The following DCDC2C variants were observed in gnomAD, a reference collection of about 807,000 sequenced individuals.
DCDC2C encodes the protein doublecortin domain containing 2C.
DCDC2C carries 44 observed loss-of-function variants against 45.0 expected under a neutral mutation model. The ratio of observed to expected loss-of-function variants is 0.98; its 90% CI spans 0.77 to 1.26. The LOEUF is 1.26. Ranked by LOEUF, DCDC2C falls within the 50% of genes most tolerant of loss-of-function variation. The pLI is 0.00. For synonymous variants in DCDC2C, 187 were observed against 178.8 expected, an observed-to-expected ratio of 1.05 and a Z score of -0.37; for missense variants, 447 against 468.9, an observed-to-expected ratio of 0.95 and a Z score of 0.43.
At chr2:3,788,487 C>T (rs566676513) in intron 10 of DCDC2C, 2 of 152,128 alleles carry the variant, frequency 1.3e-5, no homozygotes, top group African/African-American at 2.4e-5. Context: ...CCAGGTGCAA[C>T]GTGTATAAGA....
intron 2 of DCDC2C, among the ~76,000 whole-genome samples, chr2:3,716,155 T>C (rs969672539): frequency 6.6e-6 from 1 of 152,034 alleles, no homozygotes; most frequent in African/African-American, 2.4e-5. Flanking sequence ...ACAGTGGGGA[T>C]TTAGATCATT....
intron 10 of DCDC2C, among the ~76,000 whole-genome samples, chr2:3,807,051 T>TC (rs1186494989): frequency 4.0e-5 from 6 of 150,814 alleles, no homozygotes; most frequent in African/African-American, 1.5e-4. Context: ...CCAGAGTGTA[T>TC]TATCTTGGGA....
intron 6 of DCDC2C, among the ~76,000 whole-genome samples, chr2:3,760,678 G>A (rs765718617): frequency 4.6e-5 from 7 of 152,064 alleles, no homozygotes; most frequent in Middle Eastern, 3.2e-3. Context: ...GGGCCTGTTA[G>A]GGGGTGAGGG....
At chr2:3,746,583 T>C (rs1219681046) in intron 4 of DCDC2C, among the ~76,000 whole-genome samples, 1 of 152,226 alleles carries the variant, frequency 6.6e-6, no homozygotes, top group Non-Finnish European at 1.5e-5. Context: ...CTCTCCGTTT[T>C]CAATTTCCCA....
intron 10 of DCDC2C, among the ~76,000 whole-genome samples, chr2:3,826,694 T>A (rs996507049): frequency 6.6e-6 from 1 of 152,088 alleles, no homozygotes; most frequent in Non-Finnish European, 1.5e-5. Flanking sequence ...TCCCAACAGC[T>A]CCTTCCACAG....
At chr2:3,789,537 A>G (rs10865001) in intron 10 of DCDC2C, among the ~76,000 whole-genome samples, 150,779 of 152,358 alleles carry the variant, frequency 0.99, 74,621 homozygotes, top group Middle Eastern at 1. Context: ...CAGGAAGCAT[A>G]CTATTATAAT....
chr2:3,749,913 T>A (rs1006972166), intron 4 of DCDC2C, among the ~76,000 whole-genome samples: 1 of 152,184 alleles, frequency 6.6e-6, no homozygotes, highest in African/African-American at 2.4e-5. Context: ...CCGAAATGCC[T>A]TTGGTTTATG....
intron 4 of DCDC2C, among the ~76,000 whole-genome samples, chr2:3,746,220 G>A (rs889751639): frequency 6.6e-6 from 1 of 152,154 alleles, no homozygotes; most frequent in African/African-American, 2.4e-5. Context: ...GGGAGCACAC[G>A]GCCGGGGGAG....
At chr2:3,778,343 G>A (rs1343510722) in intron 8 of DCDC2C, among the ~76,000 whole-genome samples, 2 of 152,220 alleles carry the variant, frequency 1.3e-5, no homozygotes, top group African/African-American at 2.4e-5. Flanking sequence ...CTCCCCAAGA[G>A]CAGGGAGAGG....
intron 6 of DCDC2C, among the ~76,000 whole-genome samples, chr2:3,766,213 T>A (rs10179393): frequency 2.6e-5 from 4 of 151,788 alleles, no homozygotes; most frequent in Non-Finnish European, 2.9e-5. Flanking sequence ...CCCTCGTTAC[T>A]AGGGTGGGTT....
intron 3 of DCDC2C, among the ~76,000 whole-genome samples, chr2:3,732,391 G>T (rs1218290780): frequency 6.6e-6 from 1 of 152,060 alleles, no homozygotes; most frequent in Non-Finnish European, 1.5e-5. Context: ...TCTCTGGTTG[G>T]AGTGCTTTCC....
chr2:3,802,670 C>T (rs1671142109), intron 10 of DCDC2C, among the ~76,000 whole-genome samples: 1 of 152,128 alleles, frequency 6.6e-6, no homozygotes, highest in Non-Finnish European at 1.5e-5. Context: ...TCTGGGGTCT[C>T]TTCTAGAAGG....
At position 3,753,767 on chromosome 2, in the gene DCDC2C, C is replaced by T. The variant is rs551394748; in HGVS notation, c.684-825C>T. Among the ~76,000 whole-genome samples, 4 of 152,218 alleles carry T rather than the reference C, an allele frequency of 2.6e-5. No homozygotes were observed. In the South Asian group the frequency reaches 8.3e-4, roughly 32 times the overall value. On this transcript the variant is annotated intron_variant, in intron 5 of 10. Coordinates refer to ENST00000399143, the MANE Select transcript of DCDC2C (RefSeq NM_001287444.2). ...GAGGGCGCAGCGTCCGGGATGGCCT[C>T]CTCCTATTCTGGTTCACGTGCTGCT... is the stretch of plus-strand genomic sequence containing the variant.
chr2:3,823,025 C>T (rs1184188659), intron 10 of DCDC2C, among the ~76,000 whole-genome samples: 1 of 152,118 alleles, frequency 6.6e-6, no homozygotes, highest in Non-Finnish European at 1.5e-5. Flanking sequence ...GTGAGGCTTA[C>T]CCAGGCACAT....
chr2:3,782,899 G>A (rs544518876), intron 9 of DCDC2C, among the ~76,000 whole-genome samples: 1 of 152,176 alleles, frequency 6.6e-6, no homozygotes. Flanking sequence ...TAATGGTTTT[G>A]AAAAGGTTCA....
intron 10 of DCDC2C, among the ~76,000 whole-genome samples, chr2:3,838,452 C>CAGAGAGAGAGAGAG (rs61141962): frequency 0.01 from 1,149 of 112,410 alleles, 18 homozygotes; most frequent in Middle Eastern, 0.019. Context: ...AGGATCATGA[C>CAGAGAGAGAGAGAG]AGAGAGAGAG....
chr2:3,783,050 T>A (rs1670558828), intron 9 of DCDC2C, among the ~76,000 whole-genome samples: 1 of 152,194 alleles, frequency 6.6e-6, no homozygotes, highest in African/African-American at 2.4e-5. Context: ...TAGCCAGCTC[T>A]GGAGGGATGC....
intron 10 of DCDC2C, among the ~76,000 whole-genome samples, chr2:3,791,450 T>C (rs960856156): frequency 1.5e-4 from 23 of 152,132 alleles, no homozygotes; most frequent in African/African-American, 5.6e-4. Flanking sequence ...TTCACGACAA[T>C]TTTAGAAATC....
At chr2:3,815,476 C>T (rs963459030) in intron 10 of DCDC2C, among the ~76,000 whole-genome samples, 2 of 152,208 alleles carry the variant, frequency 1.3e-5, no homozygotes, top group Admixed American at 6.5e-5. Flanking sequence ...TTCTAGTTGG[C>T]CATCTTGACC....
Sources: gnomAD v4.1 joint callset for allele counts (sites outside exome capture counted in the v4.1 genomes callset) on GRCh38, gnomAD v4.1.1 for gene constraint, MANE v1.5 for transcripts, NCBI Gene and HGNC (gene_info 2026-07-23, HGNC 2026-07-21) for gene names.